The following CCN6 variants were observed in gnomAD, a reference collection of about 807,000 sequenced individuals.
CCN6 encodes the protein CCN family member 6.
In CCN6, 31 loss-of-function variants were observed where a neutral mutation model predicts 37.4. The observed-to-expected ratio is 0.83, with a 90% CI of 0.62 to 1.12. The LOEUF (loss-of-function observed/expected upper bound fraction) is 1.12, where lower values mean the gene tolerates loss of function less well. CCN6 is among the 50% of genes most tolerant of loss of function. The probability of loss-of-function intolerance (pLI) is 0.00; values close to 1 mark genes in which losing one functional copy is unlikely to be tolerated. For synonymous variants in CCN6, 137 were observed against 142.1 expected, an observed-to-expected ratio of 0.96 and a Z score of 0.26; for missense variants, 369 against 413.8, an observed-to-expected ratio of 0.89 and a Z score of 0.94.
chr6:112,067,080 AAG>A (rs781993290), intron 3 of CCN6: 5 of 1,312,576 alleles, frequency 3.8e-6, no homozygotes, highest in Non-Finnish European at 5.1e-6. Flanking sequence ...GTGCAATTGC[AAG>A]AGACTCTACT....
At chr6:112,064,399 C>T (rs1323961010) in intron 2 of CCN6, among the ~76,000 whole-genome samples, 2 of 152,220 alleles carry the variant, frequency 1.3e-5, no homozygotes, top group African/African-American at 4.8e-5. Context: ...ATCCTGTCTT[C>T]CTAAGACTAT....
chr6:112,063,554 C>G (rs1205923471), intron 2 of CCN6, among the ~76,000 whole-genome samples: 2 of 152,096 alleles, frequency 1.3e-5, no homozygotes, highest in Non-Finnish European at 2.9e-5. Context: ...ATCATCCTCA[C>G]CAGAAAAGTC....
intron 1 of CCN6, among the ~76,000 whole-genome samples, chr6:112,059,299 T>C (rs1554312320): frequency 6.6e-6 from 1 of 152,198 alleles, no homozygotes; most frequent in African/African-American, 2.4e-5. Flanking sequence ...TAAAACAACA[T>C]GATTATCTAC....
intron 2 of CCN6, among the ~76,000 whole-genome samples, chr6:112,064,037 A>T (rs1389856166): frequency 1.3e-5 from 2 of 152,200 alleles, no homozygotes; most frequent in African/African-American, 4.8e-5. Flanking sequence ...TTAAAGTATA[A>T]GTACCTGGCA....
At chr6:112,060,130 A>G in intron 1 of CCN6, 1 of 1,343,382 alleles carries the variant, frequency 7.4e-7, no homozygotes, top group Non-Finnish European at 9.9e-7. Context: ...GGGAGGGGGG[A>G]CCACAGGATG....
At chr6:112,062,314 C>T (rs1554313025) in intron 2 of CCN6, among the ~76,000 whole-genome samples, 1 of 152,110 alleles carries the variant, frequency 6.6e-6, no homozygotes, top group Non-Finnish European at 1.5e-5. Flanking sequence ...TATTGGAATC[C>T]TATAATGAAA....
At chr6:112,056,664 C>T (rs587692061) in intron 1 of CCN6, among the ~76,000 whole-genome samples, 10 of 152,056 alleles carry the variant, frequency 6.6e-5, no homozygotes, top group Admixed American at 3.3e-4. Flanking sequence ...TACAGGTGCA[C>T]GCCACCACAC....
rs1201735102 is a variant in CCN6 at position 112,069,228 on chromosome 6, C to T, written c.784-111C>T. 13 of 1,298,360 alleles carry T rather than the reference C, an allele frequency of 1.0e-5. No homozygotes were observed. The Admixed American group carries it at 3.0e-4, about 30-fold the overall frequency. The allele number at this position is 1,298,360 out of a possible 1,614,324, so 80.4% of individuals were successfully genotyped here. A position where few individuals can be genotyped will look rare whatever the true frequency, so the allele number is the denominator to read the frequency against. On this transcript the variant is annotated intron_variant, in intron 4 of 4. Transcript: ENST00000368666. The stretch of plus-strand genomic sequence containing the variant: ...AGTGCTGGAAATCACTACATAGCAA[C>T]TTTTATTAATGCCTCCAAATACTCA...
At chr6:112,059,236 T>C (rs1368145820) in intron 1 of CCN6, among the ~76,000 whole-genome samples, 5 of 152,306 alleles carry the variant, frequency 3.3e-5, no homozygotes, top group Non-Finnish European at 7.3e-5. Flanking sequence ...ATTTACAAAA[T>C]GGAGTATACA....
intron 4 of CCN6, among the ~76,000 whole-genome samples, chr6:112,068,650 T>C (rs1776772626): frequency 6.6e-6 from 1 of 152,176 alleles, no homozygotes; most frequent in Non-Finnish European, 1.5e-5. Context: ...GTTGCTACAC[T>C]ATAATTATGA....
intron 2 of CCN6, among the ~76,000 whole-genome samples, chr6:112,062,371 A>C (rs1776552468): frequency 6.6e-6 from 1 of 152,194 alleles, no homozygotes; most frequent in South Asian, 2.1e-4. Flanking sequence ...CATTTTTCCC[A>C]AGCTAGGCAG....
At chr6:112,058,952 G>T (rs942043662) in intron 1 of CCN6, among the ~76,000 whole-genome samples, 2 of 152,182 alleles carry the variant, frequency 1.3e-5, no homozygotes, top group African/African-American at 4.8e-5. Context: ...CAGGGGGAGG[G>T]TACTTGTAGA....
intron 3 of CCN6, among the ~76,000 whole-genome samples, chr6:112,065,577 AACAC>A (rs1232777591): frequency 8.3e-6 from 1 of 121,212 alleles, no homozygotes; most frequent in African/African-American, 3.1e-5. Context: ...CACACACACA[AACAC>A]ACACACGCAC....
chr6:112,065,074 C>G, intron 3 of CCN6, 77 bp downstream of exon 3: 1 of 1,599,832 alleles, frequency 6.3e-7, no homozygotes, highest in Non-Finnish European at 8.5e-7. Context: ...ATCATAGGTA[C>G]TCAGTAAGTA....
At position 112,068,374 on chromosome 6, in the gene CCN6, C is replaced by T; in HGVS notation, c.759C>T (p.Asp253=). 1 of 1,612,474 alleles carries T rather than the reference C, an allele frequency of 6.2e-7. No homozygotes were observed. Among genetic ancestry groups the T allele is most frequent in the Non-Finnish European group, 8.5e-7 (1 of 1,179,210 alleles). Residue 253 remains aspartate, a synonymous_variant, in exon 4 of 5, where the codon GAC becomes GAT. Coordinates refer to ENST00000368666, the MANE Select transcript of CCN6 (RefSeq NM_198239.2). ...EKRLCYIQPC[D]SNILKTIKIP... Reference sequence around the variant, plus strand: ...GACTGTGTTACATTCAGCCTTGCGACAGCAATATATTAAAGACAATAAAGG... The same window carrying T: ...GACTGTGTTACATTCAGCCTTGCGATAGCAATATATTAAAGACAATAAAGG...
At chr6:112,060,091 G>C (rs1175593714) in intron 1 of CCN6, 1 of 1,363,466 alleles carries the variant, frequency 7.3e-7, no homozygotes, top group Non-Finnish European at 9.8e-7. Flanking sequence ...GGCAGCAAGG[G>C]GGTGAGTGGC....
At chr6:112,054,549 T>A in intron 1 of CCN6, 144 bp downstream of exon 1, 1 of 756,482 alleles carries the variant, frequency 1.3e-6, no homozygotes, top group Non-Finnish European at 2.3e-6. Context: ...AGGAAGCCAT[T>A]TTTCTTTCCA....
intron 3 of CCN6, chr6:112,067,011 T>TA (rs1554314134): frequency 7.3e-7 from 1 of 1,366,434 alleles, no homozygotes; most frequent in Admixed American, 1.9e-5. Context: ...TTGAGGTCTT[T>TA]AAACTGTTGT....
chr6:112,060,845 G>A lies in CCN6; in HGVS notation c.49-146G>A, dbSNP rs587688080. 152 of 938,922 alleles carry A rather than the reference G, an allele frequency of 1.6e-4. No homozygotes were observed. In the African/African-American group the frequency reaches 2.2e-3, roughly 14 times the overall value. The allele number at this position is 938,922 out of a possible 1,614,324, so 58.2% of individuals were successfully genotyped here. On this transcript the variant is annotated intron_variant, in intron 1 of 4. Transcript: ENST00000368666. ...CTGAGTGAAGAATAGTTTAAGGAGA[G>A]TAATTGTGTCAAATGCTGATAGGTG...
Sources: gnomAD v4.1 joint callset for allele counts (sites outside exome capture counted in the v4.1 genomes callset) on GRCh38, gnomAD v4.1.1 for gene constraint, MANE v1.5 for transcripts, NCBI Gene and HGNC (gene_info 2026-07-23, HGNC 2026-07-21) for gene names.